Variants in NTM observed in about 807,000 individuals in gnomAD.
The protein encoded by NTM is IgLON family member 2.
In NTM, 13 loss-of-function variants were observed where a neutral mutation model predicts 42.1. The ratio of observed to expected loss-of-function variants is 0.31; its 90% CI spans 0.20 to 0.49. The LOEUF is 0.49. NTM is among the 20% of genes least tolerant of loss of function. The pLI is 0.99. For missense variants in NTM, 373 were observed against 452.8 expected, an observed-to-expected ratio of 0.82 and a Z score of 1.60; for synonymous variants, 187 against 179.2, an observed-to-expected ratio of 1.04 and a Z score of -0.35.
intron 1 of NTM, among the ~76,000 whole-genome samples, chr11:131,422,068 C>T (rs1426497897): frequency 3.3e-5 from 5 of 152,084 alleles, no homozygotes; most frequent in Admixed American, 2.0e-4. Context: ...GCATTTTGTC[C>T]ACAACGTAGT....
intron 1 of NTM, among the ~76,000 whole-genome samples, chr11:131,760,137 G>A (rs761515495): frequency 2.0e-5 from 3 of 152,150 alleles, no homozygotes; most frequent in Non-Finnish European, 2.9e-5. Context: ...AACCTCATTG[G>A]AATTCAGCAA....
rs539288922 is a variant in NTM, at chr11:132,303,403, A to G, written c.527-4286A>G. 6.6e-5 allele frequency among the ~76,000 whole-genome samples: 10 copies of G among 152,250 alleles called. No individual in the cohort carries two copies. In the East Asian group the frequency reaches 1.7e-3, roughly 27 times the overall value. ...CTCCTAGAAGCATCACTCCTATCAC[A>G]TGGTCATCTTCACCCTGTGTGTCTT... is the stretch of plus-strand genomic sequence containing the variant. On this transcript the variant is annotated intron_variant, in intron 4 of 8. Transcript: ENST00000683400.
intron 6 of NTM, 113 bp downstream of exon 6, chr11:132,310,345 T>C (rs2095244102): frequency 4.5e-6 from 5 of 1,110,378 alleles, no homozygotes; most frequent in Non-Finnish European, 6.2e-6. Context: ...TCTTCTGAAC[T>C]TATCTCTATA....
intron 8 of NTM, among the ~76,000 whole-genome samples, chr11:132,330,462 G>A: frequency 6.6e-6 from 1 of 152,090 alleles, no homozygotes; most frequent in South Asian, 2.1e-4. Flanking sequence ...CTCCATCTCT[G>A]GGCTACTCTG....
intron 4 of NTM, among the ~76,000 whole-genome samples, chr11:132,302,692 G>A (rs574596396): frequency 6.6e-6 from 1 of 152,214 alleles, no homozygotes; most frequent in African/African-American, 2.4e-5. Context: ...GCCTTCAATC[G>A]CATTGGAAAA....
chr11:131,481,082 G>A (rs1953528688), intron 1 of NTM, among the ~76,000 whole-genome samples: 1 of 152,090 alleles, frequency 6.6e-6, no homozygotes, highest in Non-Finnish European at 1.5e-5. Flanking sequence ...CAGTAGAGTA[G>A]GTAGAAATGG....
At chr11:132,257,276 G>A (rs964662107) in intron 4 of NTM, among the ~76,000 whole-genome samples, 8 of 152,166 alleles carry the variant, frequency 5.3e-5, no homozygotes, top group African/African-American at 1.9e-4. Context: ...CTTGCAAGAA[G>A]GAAATAATAA....
At chr11:131,932,896 CT>C (rs1364622920) in intron 2 of NTM, among the ~76,000 whole-genome samples, 2 of 152,104 alleles carry the variant, frequency 1.3e-5, no homozygotes, top group African/African-American at 4.8e-5. Context: ...CACAAAGCCT[CT>C]TAAAAGCAAT....
chr11:132,258,571 C>G (rs1231014216), intron 4 of NTM, among the ~76,000 whole-genome samples: 1 of 152,050 alleles, frequency 6.6e-6, no homozygotes, highest in East Asian at 1.9e-4. Context: ...ATTTTCTCAC[C>G]TAGGCTTCTC....
intron 2 of NTM, among the ~76,000 whole-genome samples, chr11:131,974,490 G>A (rs2064024093): frequency 6.6e-6 from 1 of 152,134 alleles, no homozygotes; most frequent in Non-Finnish European, 1.5e-5. Context: ...ATACCTCTTT[G>A]CTCTCATGTT....
At chr11:131,377,029 C>T (rs958574149) in intron 1 of NTM, among the ~76,000 whole-genome samples, 2 of 152,192 alleles carry the variant, frequency 1.3e-5, no homozygotes, top group Non-Finnish European at 2.9e-5. Context: ...AAACGGAAAG[C>T]AACAACAGCA....
At chr11:131,587,265 G>A (rs566117516) in intron 1 of NTM, among the ~76,000 whole-genome samples, 1 of 152,238 alleles carries the variant, frequency 6.6e-6, no homozygotes, top group South Asian at 2.1e-4. Flanking sequence ...TGGATAACGT[G>A]GTGAAACCCC....
At chr11:131,745,961 C>G (rs531359225) in intron 1 of NTM, among the ~76,000 whole-genome samples, 3 of 152,226 alleles carry the variant, frequency 2.0e-5, no homozygotes, top group African/African-American at 7.2e-5. Context: ...CAGCCTGTGT[C>G]CCTCTTTCTG....
chr11:131,638,420 G>A (rs3116005), intron 1 of NTM, among the ~76,000 whole-genome samples: 8 of 152,040 alleles, frequency 5.3e-5, no homozygotes, highest in South Asian at 2.1e-4. Context: ...ACAAAAATTA[G>A]CCGGGCATGA....
chr11:131,664,024 G>T (rs2068555441), intron 1 of NTM, among the ~76,000 whole-genome samples: 1 of 152,202 alleles, frequency 6.6e-6, no homozygotes, highest in Non-Finnish European at 1.5e-5. Flanking sequence ...TGACAGGAAA[G>T]GAAAGTCTTT....
chr11:132,204,893 T>G (rs1566465764), intron 3 of NTM, among the ~76,000 whole-genome samples: 1 of 152,208 alleles, frequency 6.6e-6, no homozygotes, highest in East Asian at 1.9e-4. Flanking sequence ...TGGGAAAAGA[T>G]GGATTTTTCT....
At chr11:132,246,995 C>T (rs917328892) in intron 4 of NTM, among the ~76,000 whole-genome samples, 1 of 152,204 alleles carries the variant, frequency 6.6e-6, no homozygotes, top group Non-Finnish European at 1.5e-5. Flanking sequence ...GCTGAGAAAA[C>T]CACTCCATCC....
At position 131,789,310 on chromosome 11, in the gene NTM, A is replaced by G. The variant is rs533240726; in HGVS notation, c.83-122254A>G. 8.0e-5 allele frequency among the ~76,000 whole-genome samples: 12 copies of G among 150,604 alleles called. No homozygotes were observed. The East Asian group carries it at 1.9e-3, about 24-fold the overall frequency. ...GAGTATTTTAAAAAGACACATGCCC[A>G]GTGAAATAGAGATGCTGAAGATGAC... On this transcript the variant is annotated intron_variant, in intron 1 of 8. Transcript: ENST00000683400.
chr11:131,994,237 G>A (rs1240380984), intron 2 of NTM, among the ~76,000 whole-genome samples: 1 of 152,080 alleles, frequency 6.6e-6, no homozygotes, highest in African/African-American at 2.4e-5. Context: ...ATACATATCT[G>A]TCTTCCCTAC....
Sources: allele counts gnomAD v4.1 joint callset (sites outside exome capture counted in the v4.1 genomes callset), GRCh38; gene constraint gnomAD v4.1.1; transcripts MANE v1.5; gene names NCBI Gene and HGNC (gene_info 2026-07-23, HGNC 2026-07-21).